MINK1: variants seen among roughly 807,000 people sequenced by gnomAD.
MINK1 encodes the protein misshapen-like kinase 1.
Under a neutral mutation model 178.4 loss-of-function variants are expected in MINK1, and 46 were observed. That is an observed-to-expected ratio of 0.26 (90% confidence interval 0.20 to 0.33). MINK1 has a LOEUF of 0.33. Ranked by LOEUF, MINK1 falls within the 10% of genes least tolerant of loss-of-function variation. MINK1 has a pLI of 1.00. For missense variants in MINK1, 1,366 were observed against 1,814.9 expected (o/e 0.75, Z 4.49); for synonymous variants, 797 against 709.7 (o/e 1.12, Z -1.96).
At position 4,890,083 on chromosome 17, in the gene MINK1, A is replaced by G; in HGVS notation, c.1347+320A>G. On this transcript the variant is annotated intron_variant, in intron 13 of 31. Transcript: ENST00000355280. ...TGGGGCTCATGTCATCCCCTCCCCT[A>G]CCTCTCTCTTACTCTTCCCCTGCAC... 11 of 363,778 alleles carry G rather than the reference A, an allele frequency of 3.0e-5. No homozygotes were observed. The South Asian group carries it at 3.3e-4, about 11-fold the overall frequency. 22.5% of individuals were successfully genotyped at this position (363,778 alleles called of 1,614,324 possible). A position where few individuals can be genotyped will look rare whatever the true frequency, so the allele number is the denominator to read the frequency against.
At position 4,896,857 on chromosome 17, in the gene MINK1, C is replaced by T. The variant is rs776026804; in HGVS notation, c.3915+44C>T. 4 of 1,529,510 alleles carry T rather than the reference C, an allele frequency of 2.6e-6. No homozygotes were observed. The highest frequency in any genetic ancestry group is 3.5e-6 in the Non-Finnish European group (4 of 1,140,158). The allele number at this position is 1,529,510 out of a possible 1,614,324, so 94.7% of individuals were successfully genotyped here. A position where few individuals can be genotyped will look rare whatever the true frequency, so the allele number is the denominator to read the frequency against. ...CTGAAAGCCCTGCTGTCCCGGCTGC[C>T]ATGACCCTAGGCCCCTGGGCAGAGT... On this transcript the variant is annotated intron_variant, in intron 31 of 31. Coordinates refer to ENST00000355280, the MANE Select transcript of MINK1 (RefSeq NM_153827.5). The surrounding 1 kb of genome is among the most constrained non-coding windows in gnomAD (Gnocchi z 4.6).
At chr17:4,876,684 C>T (rs1291391885) in intron 1 of MINK1, among the ~76,000 whole-genome samples, 3 of 152,002 alleles carry the variant, frequency 2.0e-5, no homozygotes, top group Non-Finnish European at 4.4e-5. Flanking sequence ...ACAGAGGCCA[C>T]GTGTTGCCTG....
Position 4,895,635 on chromosome 17 carries a change from G to A in MINK1, c.3230-63G>A, listed in dbSNP as rs749236066. 1.8e-5 allele frequency: 29 copies of A among 1,590,198 alleles called. No individual in the cohort carries two copies. In the East Asian group the frequency reaches 4.3e-4, roughly 24 times the overall value. ...GTGGTATGCTGACAGAGGAGGCCAG[G>A]GCGGTGGCATTCGGGCCTCAGATGA... On this transcript the variant is annotated intron_variant, in intron 26 of 31. Coordinates refer to ENST00000355280, the MANE Select transcript of MINK1 (RefSeq NM_153827.5). The surrounding 1 kb of genome is among the most constrained non-coding windows in gnomAD (Gnocchi z 4.3).
intron 1 of MINK1, among the ~76,000 whole-genome samples, chr17:4,867,158 T>G (rs947148759): frequency 1.1e-4 from 16 of 141,308 alleles, no homozygotes; most frequent in African/African-American, 2.9e-4. Context: ...TTTTTTTTTT[T>G]TTTTTTTAAG....
chr17:4,855,339 AGCTGGGCGTGGTGGCGGGC>A (rs1912864192), intron 1 of MINK1, among the ~76,000 whole-genome samples: 2 of 150,886 alleles, frequency 1.3e-5, no homozygotes, highest in African/African-American at 4.9e-5. Flanking sequence ...ACAAAAAATT[AGCTGGGCGTGGTGGCGGGC>A]GCCTGTAGTC....
Position 4,891,040 on chromosome 17 carries a change from C to T in MINK1, c.1656C>T (p.Pro552=). The change falls in exon 15 of 32, where the codon CCC becomes CCT. Residue 552 remains proline (P), a synonymous_variant. Coordinates refer to ENST00000355280, the MANE Select transcript of MINK1 (RefSeq NM_153827.5). ...GCACGGGGCCTGAGCCCCCCATCCC[C>T]CAGGCCTCCCCAGGGCCCCCAGGAC... ...PGSTGPEPPI[P]QASPGPPGPL... The T allele has an allele frequency of 6.4e-7, 1 of 1,555,214 alleles. No homozygotes were observed. Among genetic ancestry groups the T allele is most frequent in the Non-Finnish European group, 8.7e-7 (1 of 1,149,542 alleles).
At chr17:4,847,039 C>A in intron 1 of MINK1, 1 of 385,860 alleles carries the variant, frequency 2.6e-6, no homozygotes, top group South Asian at 1.9e-5. Context: ...ATGAACATAC[C>A]TGCTACTGCC....
chr17:4,856,353 A>T (rs1456415362), intron 1 of MINK1, among the ~76,000 whole-genome samples: 2 of 151,938 alleles, frequency 1.3e-5, no homozygotes, highest in East Asian at 3.9e-4. Flanking sequence ...GAAGGAGGTG[A>T]TCTTATCAGA....
intron 1 of MINK1, chr17:4,875,039 C>T: frequency 1.9e-6 from 1 of 519,488 alleles, no homozygotes; most frequent in Non-Finnish European, 3.9e-6. Flanking sequence ...ATCCTTTTTC[C>T]TGTCTCCCTC....
At chr17:4,870,075 CT>C (rs916259265) in intron 1 of MINK1, among the ~76,000 whole-genome samples, 38 of 145,732 alleles carry the variant, frequency 2.6e-4, no homozygotes, top group Admixed American at 3.4e-4. Flanking sequence ...GCCCAGCTAA[CT>C]TTTTTTTTTT....
intron 13 of MINK1, chr17:4,890,212 C>CCG: frequency 2.4e-6 from 3 of 1,229,166 alleles, no homozygotes; most frequent in Non-Finnish European, 3.1e-6. Context: ...CCCCACACCC[C>CCG]GTCCCCCAGG....
rs573780110 is a variant in MINK1 at position 4,897,526 on chromosome 17, A to C, written c.*239A>C. The stretch of plus-strand genomic sequence containing the variant: ...GTCCCCAGCTTCTGGGGAGGGACAC[A>C]GCTTCCCCTTCCCAGGAATTGAGTG... On this transcript the variant is annotated 3_prime_UTR_variant, in exon 32 of 32. Transcript: ENST00000355280. The C allele has an allele frequency of 2.0e-6, 1 of 510,290 alleles. No individual in the cohort carries two copies. Among genetic ancestry groups the C allele is most frequent in the South Asian group, 2.4e-5 (1 of 41,170 alleles). The allele number at this position is 510,290 out of a possible 1,614,324, so 31.6% of individuals were successfully genotyped here.
rs1161391752 is a variant in MINK1, at chr17:4,855,477, C to A, written c.57+21837C>A. On this transcript the variant is annotated intron_variant, in intron 1 of 31. Transcript: ENST00000355280. ...CTCCAGCCTGGGCGACAGAGCGAGA[C>A]TCCATCTCAAAAAAAAAAAAAAAGG... 4.1e-5 allele frequency among the ~76,000 whole-genome samples: 4 copies of A among 98,478 alleles called. No homozygotes were observed. In the South Asian group the frequency reaches 1.3e-3, roughly 32 times the overall value. The allele number at this position is 98,478 out of a possible 152,430, so 64.6% of individuals were successfully genotyped here. A position where few individuals can be genotyped will look rare whatever the true frequency, so the allele number is the denominator to read the frequency against.
At chr17:4,859,965 G>GCGCC (rs934363824) in intron 1 of MINK1, among the ~76,000 whole-genome samples, 1 of 151,184 alleles carries the variant, frequency 6.6e-6, no homozygotes, top group Admixed American at 6.6e-5. Context: ...GGGAAGGGGC[G>GCGCC]CGTCCGGGAA....
intron 1 of MINK1, chr17:4,854,896 T>A: frequency 2.3e-6 from 1 of 429,026 alleles, no homozygotes; most frequent in Non-Finnish European, 4.7e-6. Flanking sequence ...AAAAGGAGTT[T>A]TTTTGAAGGC....
intron 4 of MINK1, among the ~76,000 whole-genome samples, chr17:4,882,762 A>G (rs1328332350): frequency 6.6e-6 from 1 of 152,160 alleles, no homozygotes; most frequent in African/African-American, 2.4e-5. Context: ...TCACGTTTCA[A>G]TGTTTTACAC....
At chr17:4,858,479 A>ATT (rs35540481) in intron 1 of MINK1, among the ~76,000 whole-genome samples, 25 of 139,400 alleles carry the variant, frequency 1.8e-4, no homozygotes, top group African/African-American at 5.0e-4. Flanking sequence ...TTTAAATTTA[A>ATT]TTTTTTTTTT....
intron 1 of MINK1, among the ~76,000 whole-genome samples, chr17:4,855,784 A>AAG (rs1431691742): frequency 1.3e-5 from 2 of 150,506 alleles, no homozygotes; most frequent in South Asian, 2.1e-4. Flanking sequence ...AAAAAAAAAA[A>AAG]AAAGAAAGAA....
rs768460186 is a variant in MINK1 at position 4,894,266 on chromosome 17, G to C, written c.2763G>C (p.Glu921Asp). 2.5e-6 allele frequency: 4 copies of C among 1,613,128 alleles called. No individual in the cohort carries two copies. ...TCCAGCCCAGCCACTCACCCACCGA[G>C]AACAGCAAAGGCCAAAGCCCACCCT... The part of the protein sequence containing the change: ...DVVQPSHSPT[E>D]NSKGQSPPSK... Residue 921 changes from glutamate (E) to aspartate (D), a missense_variant, in exon 23 of 32, where the codon GAG (glutamate) becomes GAC (aspartate). This residue lies in a region of MINK1 where 709 missense variants were observed against 692.3 expected (regional missense o/e 1.02). Coordinates refer to ENST00000355280, the MANE Select transcript of MINK1 (RefSeq NM_153827.5). This position sits in a 1 kb window ranked among gnomAD's most constrained non-coding sequence, Gnocchi z 4.1.
Sources: gnomAD v4.1 joint callset for allele counts (sites outside exome capture counted in the v4.1 genomes callset) on GRCh38, gnomAD v4.1.1 for gene constraint, gnomAD v4.1.1 regional missense constraint, Gnocchi (gnomAD v3.1) non-coding constraint, MANE v1.5 for transcripts, NCBI Gene and HGNC (gene_info 2026-07-23, HGNC 2026-07-21) for gene names.